The following NBPF12 variants were observed in gnomAD, a reference collection of about 807,000 sequenced individuals.
NBPF12 encodes the protein NBPF family member NBPF12.
Under a neutral mutation model 146.4 loss-of-function variants are expected in NBPF12, and 115 were observed. The observed-to-expected ratio is 0.79, with a 90% CI of 0.68 to 0.92. NBPF12 has a LOEUF of 0.92. Ranked by LOEUF, NBPF12 falls within the 40% of genes least tolerant of loss-of-function variation. NBPF12 has a pLI of 0.00. For missense variants in NBPF12, 1,205 were observed against 1,326.8 expected (o/e 0.91, Z 1.43); for synonymous variants, 385 against 508.9 (o/e 0.76, Z 3.28).
At chr1:146,961,521 CACAA>C (rs1453770920) in intron 4 of NBPF12, among the ~76,000 whole-genome samples, 1 of 152,158 alleles carries the variant, frequency 6.6e-6, no homozygotes, top group African/African-American at 2.4e-5. Context: ...TCTAAATTAA[CACAA>C]ACTAATCTTA....
chr1:146,986,572 A>C, intron 24 of NBPF12, 48 bp downstream of exon 27: 2 of 899,774 alleles, frequency 2.2e-6, no homozygotes, highest in Non-Finnish European at 1.9e-6. Flanking sequence ...GGCCTTCCAG[A>C]TAGGGGTGAT....
chr1:146,956,609 TA>T (rs1157526036), intron 2 of NBPF12, among the ~76,000 whole-genome samples: 1 of 151,956 alleles, frequency 6.6e-6, no homozygotes, highest in East Asian at 1.9e-4. Context: ...CCAGAATCAT[TA>T]CATGCTTAAC....
chr1:146,994,536 C>T (rs782019651), exon 34 of NBPF12: 2 of 1,609,680 alleles, frequency 1.2e-6, no homozygotes, highest in Non-Finnish European at 1.7e-6. Flanking sequence ...TGACAAGTCT[C>T]CACCTGGTCT....
chr1:146,994,244 A>T (rs1553889954), intron 33 of NBPF12, 88 bp from the exon 37 acceptor site: 5 of 1,608,628 alleles, frequency 3.1e-6, no homozygotes, highest in South Asian at 2.2e-5. Context: ...TTTTCTAACC[A>T]CTTCCTTATG....
chr1:146,967,736 T>C (rs1656297493), intron 9 of NBPF12, among the ~76,000 whole-genome samples: 1 of 150,364 alleles, frequency 6.7e-6, no homozygotes, highest in East Asian at 1.9e-4. Context: ...GTTCAGAGGG[T>C]ACTACAATAA....
At chr1:146,946,552 T>C (rs1351712581), upstream of NBPF12, among the ~76,000 whole-genome samples, 1 of 144,094 alleles carries the variant, frequency 6.9e-6, no homozygotes, top group Non-Finnish European at 1.5e-5. Flanking sequence ...TTGTGTTGTT[T>C]AGTTCTCAGA....
At chr1:146,971,961 G>A (rs1351947608) in intron 13 of NBPF12, among the ~76,000 whole-genome samples, 1 of 149,074 alleles carries the variant, frequency 6.7e-6, no homozygotes, top group African/African-American at 2.5e-5. Context: ...GGTGTTGGGT[G>A]CCTGTAGTCT....
In NBPF12 at chr1:146,971,349, G is replaced by T. The variant is rs1553886427; in HGVS notation, c.1546G>T (p.Glu516Ter). Residue 516 changes from glutamate (E) to a stop codon, truncating the protein, a stop_gained, in exon 13 of 34, where the codon GAA becomes TAA. Coordinates refer to ENST00000617844, the Ensembl canonical transcript of NBPF12. LOFTEE classifies it high-confidence loss of function. ...CAACTCATCTCTGGTTGTAGACAGA[G>T]AATCCTCTCATGATGAATGTCAGGA... The T allele has an allele frequency of 1.9e-6, 3 of 1,611,478 alleles. 1 individual carries two copies. The highest frequency in any genetic ancestry group is 8.5e-7 in the Non-Finnish European group (1 of 1,179,470).
At chr1:146,994,248 C>G in intron 33 of NBPF12, 84 bp from the exon 37 acceptor site, 1 of 1,609,952 alleles carries the variant, frequency 6.2e-7, no homozygotes, top group South Asian at 1.1e-5. Context: ...CTAACCACTT[C>G]CTTATGTTAC....
At chr1:146,957,973 GTATATATGTGTGTGTATATA>G (rs1655676104) in intron 2 of NBPF12, among the ~76,000 whole-genome samples, 1 of 103,308 alleles carries the variant, frequency 9.7e-6, no homozygotes, top group African/African-American at 3.5e-5. Context: ...GTGTATACAT[GTATATATGTGTGTGTATATA>G]TATATATACA....
At chr1:146,944,445 G>A (rs1654930203), upstream of NBPF12, among the ~76,000 whole-genome samples, 1 of 147,068 alleles carries the variant, frequency 6.8e-6, no homozygotes, top group South Asian at 2.2e-4. Flanking sequence ...AATGGACGAT[G>A]TCAGACCCAG....
chr1:146,986,643 TG>T, intron 24 of NBPF12, 119 bp downstream of exon 27: 1 of 709,164 alleles, frequency 1.4e-6, no homozygotes, highest in South Asian at 1.5e-5. Context: ...GCAGGACCTA[TG>T]GGTGCATATA....
chr1:146,975,861 G>T, exon 16 of NBPF12: 5 of 1,610,780 alleles, frequency 3.1e-6, no homozygotes, highest in South Asian at 2.2e-5. Context: ...GTGTAGACTG[G>T]CACAACACCT....
chr1:146,970,812 G>A (rs1656557000), intron 12 of NBPF12, 93 bp downstream of exon 15: 2 of 1,131,244 alleles, frequency 1.8e-6, no homozygotes, highest in African/African-American at 1.5e-5. Context: ...TGGGCCAAAA[G>A]CCCGCATTCC....
chr1:146,994,048 C>A (rs1658346926), intron 33 of NBPF12, among the ~76,000 whole-genome samples: 1 of 103,288 alleles, frequency 9.7e-6, no homozygotes, highest in South Asian at 3.8e-4. Context: ...TGTCCTTTGA[C>A]TCCCTTACCA....
At chr1:146,962,135 G>T (rs1367285744) in intron 4 of NBPF12, 26 bp from the exon 8 acceptor site, 119 of 1,607,030 alleles carry the variant, frequency 7.4e-5, no homozygotes, top group African/African-American at 2.8e-4. Flanking sequence ...CTTCCACTGA[G>T]GCAGGCGTGT....
At chr1:146,947,811 G>A (rs1196027399), upstream of NBPF12, among the ~76,000 whole-genome samples, 6 of 151,556 alleles carry the variant, frequency 4.0e-5, no homozygotes, top group African/African-American at 1.5e-4. Flanking sequence ...TTCTAGGGAT[G>A]GTTTTTGGGG....
chr1:146,975,562 G>C, intron 15 of NBPF12, 115 bp from the exon 19 acceptor site: 1 of 597,962 alleles, frequency 1.7e-6, no homozygotes, highest in Non-Finnish European at 3.0e-6. Flanking sequence ...AACATGTGCT[G>C]ACCTTCTGCT....
At position 146,962,136 on chromosome 1, in the gene NBPF12, G is replaced by A. The variant is rs1334684436; in HGVS notation, c.176-25G>A. On this transcript the variant is annotated intron_variant, in intron 4 of 33. Coordinates refer to ENST00000617844, the Ensembl canonical transcript of NBPF12. Reference sequence around the variant, plus strand: ...GCAGCATGTCCAGCCTTCCACTGAGGCAGGCGTGTCTGTCTTTTTCTCAGA... The same window carrying A: ...GCAGCATGTCCAGCCTTCCACTGAGACAGGCGTGTCTGTCTTTTTCTCAGA... 39 of 1,606,914 alleles carry A rather than the reference G, an allele frequency of 2.4e-5. 1 individual carries two copies. The highest frequency in any genetic ancestry group is 8.3e-5 in the Admixed American group (5 of 59,982).
Sources: allele counts gnomAD v4.1 joint callset (sites outside exome capture counted in the v4.1 genomes callset), GRCh38; gene constraint gnomAD v4.1.1; transcripts MANE v1.5; gene names NCBI Gene and HGNC (gene_info 2026-07-23, HGNC 2026-07-21).